Variants in UPF2 observed in about 807,000 individuals in gnomAD.
UPF2 encodes UPF2 regulator of nonsense mediated mRNA decay, also known as regulator of nonsense transcripts 2.
In UPF2, 17 loss-of-function variants were observed where a neutral mutation model predicts 141.4. That is an observed-to-expected ratio of 0.12 (90% CI 0.08 to 0.18). The LOEUF is 0.18. UPF2 is among the 10% of genes least tolerant of loss of function. UPF2 has a pLI of 1.00. For missense variants in UPF2, 1,152 were observed against 1,515.9 expected (o/e 0.76, Z 3.99); for synonymous variants, 540 against 498.0 (o/e 1.08, Z -1.12).
chr10:12,031,323 G>C (rs189603508), intron 2 of UPF2, among the ~76,000 whole-genome samples: 1 of 152,054 alleles, frequency 6.6e-6, no homozygotes, highest in African/African-American at 2.4e-5. Flanking sequence ...GGAACCAGAA[G>C]ACAACTATCA....
At chr10:12,031,185 A>T (rs181757689) in intron 2 of UPF2, among the ~76,000 whole-genome samples, 2 of 151,704 alleles carry the variant, frequency 1.3e-5, no homozygotes, top group East Asian at 3.9e-4. Flanking sequence ...AAAAAAAAAA[A>T]AAAAACAAAA....
chr10:12,035,395 C>T lies in UPF2; in HGVS notation c.29G>A (p.Ser10Asn), dbSNP rs2131316729. ...TGGTAAAGAGTCTTTTTCTTCCATACTTGCTGGCTTTTTACGCTCAGCTGG... is the reference window on the plus strand; with the variant it reads ...TGGTAAAGAGTCTTTTTCTTCCATATTTGCTGGCTTTTTACGCTCAGCTGG... MPAERKKPA[S>N]MEEKDSLPNN... The change falls in exon 2 of 22, where the codon AGT becomes AAT. Residue 10 changes from serine to asparagine, a missense_variant. Physicochemically the swap from Ser to Asn is conservative, Grantham distance 46 (BLOSUM62 1). This residue lies in a region of UPF2 where 145 missense variants were observed against 136.5 expected (regional missense o/e 1.06). Transcript: ENST00000357604. The T allele has an allele frequency of 6.3e-7, 1 of 1,588,996 alleles. No individual in the cohort carries two copies. Among genetic ancestry groups the T allele is most frequent in the South Asian group, 1.2e-5 (1 of 86,180 alleles).
Position 11,936,791 on chromosome 10 carries a change from C to G in UPF2, c.3379-79G>C, listed in dbSNP as rs1253569383. The G allele has an allele frequency of 7.5e-7, 1 of 1,340,712 alleles. No individual in the cohort carries two copies. The highest frequency in any genetic ancestry group is 9.9e-7 in the Non-Finnish European group (1 of 1,005,058). 83.1% of individuals were successfully genotyped at this position (1,340,712 alleles called of 1,614,324 possible). ...TGTCAATATAAATTGCAAACTCATT[C>G]AATGCTGTATTTCTTAAAACACAAC... is the stretch of plus-strand genomic sequence containing the variant. On this transcript the variant is annotated intron_variant, in intron 18 of 21. Transcript: ENST00000357604. This position sits in a 1 kb window ranked among gnomAD's most constrained non-coding sequence, Gnocchi z 6.6.
In UPF2 at chr10:12,029,895, T is replaced by C. The variant is rs192606965; in HGVS notation, c.366-371A>G. On this transcript the variant is annotated intron_variant, in intron 2 of 21. Transcript: ENST00000357604. ...AACACTTAAACCCAAGAGGCAGAGG[T>C]TGCAATGAGCCAAGAACGTGACACT... is the stretch of plus-strand genomic sequence containing the variant. 4.5e-3 allele frequency among the ~76,000 whole-genome samples: 681 copies of C among 151,078 alleles called. 17 individuals carry two copies. The highest frequency in any genetic ancestry group is 9.5e-3 in the East Asian group (49 of 5,132).
chr10:11,936,397 C>CAAAAAAA lies in UPF2; in HGVS notation c.3546+141_3546+147dup, dbSNP rs57896406. On this transcript the variant is annotated intron_variant, in intron 19 of 21. Coordinates refer to ENST00000357604, the MANE Select transcript of UPF2 (RefSeq NM_015542.4). The surrounding 1 kb of genome is among the most constrained non-coding windows in gnomAD (Gnocchi z 6.6). ...ACAAAAACAAAAACAAAAACAAAAA[C>CAAAAAAA]AAAAAAAACTATATAAGGGAAGAAA... is the stretch of plus-strand genomic sequence containing the variant. 1 of 858,884 alleles carries CAAAAAAA rather than the reference C, an allele frequency of 1.2e-6. No individual in the cohort carries two copies. Among genetic ancestry groups the CAAAAAAA allele is most frequent in the African/African-American group, 1.8e-5 (1 of 56,136 alleles). The allele number at this position is 858,884 out of a possible 1,614,324, so 53.2% of individuals were successfully genotyped here. A position where few individuals can be genotyped will look rare whatever the true frequency, so the allele number is the denominator to read the frequency against.
chr10:11,982,634 G>A (rs150437561), intron 8 of UPF2, among the ~76,000 whole-genome samples: 2 of 152,146 alleles, frequency 1.3e-5, no homozygotes, highest in East Asian at 3.9e-4. Flanking sequence ...AAAGCACTTT[G>A]GTTTTTTTTG....
chr10:11,998,202 A>C lies in UPF2; in HGVS notation c.1759-445T>G, dbSNP rs1418827321. Among the ~76,000 whole-genome samples the C allele has an allele frequency of 6.6e-6, 1 of 152,152 alleles. No homozygotes were observed. Among genetic ancestry groups the C allele is most frequent in the African/African-American group, 2.4e-5 (1 of 41,448 alleles). ...ACTGGAAAGCCTGATAAGCGGCCTC[A>C]GTGAAGGTCTCTCTGACCAACCCTT... On this transcript the variant is annotated intron_variant, in intron 7 of 21. Coordinates refer to ENST00000357604, the MANE Select transcript of UPF2 (RefSeq NM_015542.4). The surrounding 1 kb of genome is among the most constrained non-coding windows in gnomAD (Gnocchi z 4.5).
chr10:12,042,594 C>G lies in UPF2; in HGVS notation c.-19+161G>C, dbSNP rs559322541. ...GAGACAGGGGGTCTGAGGAGAACGA[C>G]GCCGGACCCGCGGTCCCTCCACTGC... On this transcript the variant is annotated intron_variant, in intron 1 of 21. Transcript: ENST00000357604. The surrounding 1 kb of genome is among the most constrained non-coding windows in gnomAD (Gnocchi z 5.5). Among the ~76,000 whole-genome samples the G allele has an allele frequency of 2.6e-5, 4 of 152,270 alleles. No individual in the cohort carries two copies. Among genetic ancestry groups the G allele is most frequent in the African/African-American group, 9.6e-5 (4 of 41,564 alleles).
chr10:12,037,713 A>G (rs944104290), intron 1 of UPF2, among the ~76,000 whole-genome samples: 1 of 151,966 alleles, frequency 6.6e-6, no homozygotes, highest in African/African-American at 2.4e-5. Flanking sequence ...TTTTTTTATT[A>G]AAAGCAATAG....
rs546012073 is a variant in UPF2, at chr10:11,957,538, T to C, written c.2371-1015A>G. Among the ~76,000 whole-genome samples, 3 of 152,090 alleles carry C rather than the reference T, an allele frequency of 2.0e-5. No homozygotes were observed. In the South Asian group the frequency reaches 6.2e-4, roughly 32 times the overall value. On this transcript the variant is annotated intron_variant, in intron 12 of 21. Coordinates refer to ENST00000357604, the MANE Select transcript of UPF2 (RefSeq NM_015542.4). ...TTCTTTCTTTCTTTTTTTCTTGAGA[T>C]GGAGTCTCGCTCTGTCATCCAGGCT...
intron 8 of UPF2, among the ~76,000 whole-genome samples, chr10:11,986,759 A>G (rs1470987745): frequency 6.6e-6 from 1 of 152,232 alleles, no homozygotes; most frequent in Non-Finnish European, 1.5e-5. Context: ...ACTTTTCCAC[A>G]ATGCTGCTGT....
chr10:11,937,858 A>G (rs1832873739), intron 18 of UPF2, among the ~76,000 whole-genome samples: 1 of 152,186 alleles, frequency 6.6e-6, no homozygotes, highest in Admixed American at 6.5e-5. Context: ...AAGTCTTCCC[A>G]GGTTCGTAAG....
intron 15 of UPF2, among the ~76,000 whole-genome samples, chr10:11,949,986 G>T (rs976414123): frequency 6.6e-6 from 1 of 151,922 alleles, no homozygotes; most frequent in Admixed American, 6.6e-5. Context: ...AGCTTTAAGA[G>T]AATATGTGTA....
chr10:12,025,548 CTAAATAAATAAA>C (rs141211300), intron 3 of UPF2, among the ~76,000 whole-genome samples: 20 of 147,356 alleles, frequency 1.4e-4, no homozygotes, highest in South Asian at 4.3e-4. Context: ...GACTCCATCT[CTAAATAAATAAA>C]TAAATAAATA....
At chr10:11,938,499 T>A (rs1284922068) in intron 18 of UPF2, among the ~76,000 whole-genome samples, 1 of 152,192 alleles carries the variant, frequency 6.6e-6, no homozygotes, top group Non-Finnish European at 1.5e-5. Context: ...ACCAAACCAT[T>A]ACTCAAACAA....
Position 11,943,201 on chromosome 10 carries a change from C to T in UPF2, c.3175-33G>A, listed in dbSNP as rs1019846245. On this transcript the variant is annotated intron_variant, in intron 16 of 21. Coordinates refer to ENST00000357604, the MANE Select transcript of UPF2 (RefSeq NM_015542.4). ...TATTGAACATTAGAAGATTAAATAA[C>T]TTTTCGAAGTGTAACCATATTTTAC... 13 of 1,513,938 alleles carry T rather than the reference C, an allele frequency of 8.6e-6. No individual in the cohort carries two copies. In the African/African-American group the frequency reaches 1.8e-4, roughly 21 times the overall value. The allele number at this position is 1,513,938 out of a possible 1,614,324, so 93.8% of individuals were successfully genotyped here.
chr10:11,985,812 A>G (rs1210464406), intron 8 of UPF2, among the ~76,000 whole-genome samples: 1 of 151,646 alleles, frequency 6.6e-6, no homozygotes, highest in African/African-American at 2.4e-5. Context: ...AATTTGTGCT[A>G]AAATTTAAGC....
At chr10:12,042,951 G>A (rs1834767059), upstream of UPF2, 1 of 151,546 alleles carries the variant, frequency 6.6e-6, no homozygotes, top group Non-Finnish European at 1.5e-5. The surrounding 1 kb of genome is among the most constrained non-coding windows in gnomAD (Gnocchi z 5.5). Context: ...GGGGCGGAAG[G>A]AGGCGAGAGG....
intron 9 of UPF2, among the ~76,000 whole-genome samples, chr10:11,971,875 C>T (rs939954077): frequency 6.6e-6 from 1 of 151,982 alleles, no homozygotes; most frequent in African/African-American, 2.4e-5. Flanking sequence ...ATCAGCCTGG[C>T]CAACATGGTA....
Sources: gnomAD v4.1 joint callset for allele counts (sites outside exome capture counted in the v4.1 genomes callset) on GRCh38, gnomAD v4.1.1 for gene constraint, gnomAD v4.1.1 regional missense constraint, Gnocchi (gnomAD v3.1) non-coding constraint, MANE v1.5 for transcripts, NCBI Gene and HGNC (gene_info 2026-07-23, HGNC 2026-07-21) for gene names.